The following SFMBT2 variants were observed in gnomAD, a reference collection of about 807,000 sequenced individuals.
The protein encoded by SFMBT2 is scm-like with four MBT domains protein 2.
Under a neutral mutation model 110.1 loss-of-function variants are expected in SFMBT2, and 38 were observed. The ratio of observed to expected loss-of-function variants is 0.35; its 90% CI spans 0.27 to 0.45. The LOEUF is 0.45. Ranked by LOEUF, SFMBT2 falls within the 20% of genes least tolerant of loss-of-function variation. The pLI is 1.00. For synonymous variants in SFMBT2, 425 were observed against 425.4 expected (o/e 1.00, Z 0.01); for missense variants, 1,011 against 1,094.9 (o/e 0.92, Z 1.08).
chr10:7,190,494 C>T (rs1376829805), intron 15 of SFMBT2, among the ~76,000 whole-genome samples: 2 of 152,182 alleles, frequency 1.3e-5, no homozygotes, highest in Non-Finnish European at 2.9e-5. Flanking sequence ...TGAAAAGCAT[C>T]GGATATTGAA....
chr10:7,272,054 G>T (rs1404852409), intron 7 of SFMBT2, among the ~76,000 whole-genome samples: 2 of 152,156 alleles, frequency 1.3e-5, no homozygotes, highest in Non-Finnish European at 2.9e-5. Context: ...TCCTGGTACA[G>T]CAAGGAGGGG....
chr10:7,176,452 G>C (rs913464234), intron 16 of SFMBT2: 1 of 983,034 alleles, frequency 1.0e-6, no homozygotes, highest in Admixed American at 6.2e-5. Flanking sequence ...CCAAAGATGA[G>C]CGGTGCGGGA....
chr10:7,196,938 G>C (rs951412978), intron 15 of SFMBT2, among the ~76,000 whole-genome samples: 1 of 152,170 alleles, frequency 6.6e-6, no homozygotes, highest in Non-Finnish European at 1.5e-5. Flanking sequence ...TCTGCAGGTC[G>C]TCGCCCGAAG....
intron 1 of SFMBT2, among the ~76,000 whole-genome samples, chr10:7,402,603 G>A (rs996609711): frequency 6.6e-6 from 1 of 152,048 alleles, no homozygotes; most frequent in Non-Finnish European, 1.5e-5. Flanking sequence ...TTTTTCCCTG[G>A]TCCATTAAAA....
chr10:7,206,118 A>C (rs1429606289), intron 11 of SFMBT2, 190 bp from the exon 12 acceptor site: 15 of 985,458 alleles, frequency 1.5e-5, no homozygotes, highest in Non-Finnish European at 1.8e-5. Context: ...ATCAGAGACA[A>C]AACTCCTTGA....
intron 10 of SFMBT2, among the ~76,000 whole-genome samples, chr10:7,220,912 C>T (rs1422767846): frequency 6.6e-6 from 1 of 151,432 alleles, no homozygotes; most frequent in Non-Finnish European, 1.5e-5. Context: ...CTGCCAGTTC[C>T]GCCTCCCGGG....
chr10:7,188,605 C>T lies in SFMBT2; in HGVS notation c.1808+19G>A, dbSNP rs377130947. 73 of 1,599,082 alleles carry T rather than the reference C, an allele frequency of 4.6e-5. No homozygotes were observed. In the African/African-American group the frequency reaches 7.9e-4, roughly 17 times the overall value. On this transcript the variant is annotated intron_variant, in intron 16 of 20. Transcript: ENST00000397167. ...AAGTATTACAAAAACCCTTGCTTTC[C>T]AGAATTGAAAACACTTACTTGGCCT...
chr10:7,353,114 T>C (rs1037023709), intron 4 of SFMBT2, among the ~76,000 whole-genome samples: 7 of 152,202 alleles, frequency 4.6e-5, no homozygotes, highest in Admixed American at 1.3e-4. Context: ...GTACACACTA[T>C]TGGCCAAAAG....
intron 4 of SFMBT2, among the ~76,000 whole-genome samples, chr10:7,300,277 T>C (rs1290254802): frequency 2.7e-5 from 4 of 150,258 alleles, no homozygotes; most frequent in Admixed American, 6.6e-5. Context: ...GTTCTGCACA[T>C]GTATCCAGCT....
rs1199725046 is a variant in SFMBT2 at position 7,217,579 on chromosome 10, CCTT to C, written c.1330+2829_1330+2831del. On this transcript the variant is annotated intron_variant, in intron 11 of 20. Transcript: ENST00000397167. ...AAGGAAGACAATGCAAGCAGGCGAA[CCTT>C]CTTCTGGGCTAAAGAGCTAGGAGAG... Among the ~76,000 whole-genome samples the C allele has an allele frequency of 3.9e-5, 6 of 152,180 alleles. No individual in the cohort carries two copies. The East Asian group carries it at 1.2e-3, about 29-fold the overall frequency.
chr10:7,268,558 T>C (rs1000838296), intron 7 of SFMBT2, among the ~76,000 whole-genome samples: 3 of 152,094 alleles, frequency 2.0e-5, no homozygotes, highest in African/African-American at 7.2e-5. Context: ...TCGCCCAGGC[T>C]GGAGTGCAGT....
intron 2 of SFMBT2, among the ~76,000 whole-genome samples, chr10:7,372,382 C>T (rs1433194925): frequency 6.6e-6 from 1 of 152,170 alleles, no homozygotes; most frequent in East Asian, 1.9e-4. Flanking sequence ...AGAATGGCCT[C>T]CTCAACTTTT....
At chr10:7,298,366 A>G (rs1286699133) in intron 4 of SFMBT2, among the ~76,000 whole-genome samples, 3 of 152,172 alleles carry the variant, frequency 2.0e-5, no homozygotes, top group African/African-American at 4.8e-5. Context: ...ACTGATGCTC[A>G]GACTCTCCAT....
intron 2 of SFMBT2, among the ~76,000 whole-genome samples, chr10:7,379,768 A>G (rs1474423929): frequency 6.6e-6 from 1 of 152,218 alleles, no homozygotes; most frequent in Non-Finnish European, 1.5e-5. Context: ...AGAGCAAGGA[A>G]CCAATCACAA....
At chr10:7,241,872 C>A (rs983023057) in intron 9 of SFMBT2, among the ~76,000 whole-genome samples, 2 of 152,124 alleles carry the variant, frequency 1.3e-5, no homozygotes, top group African/African-American at 4.8e-5. Flanking sequence ...GATATAAATA[C>A]TTTTCCTTTT....
intron 1 of SFMBT2, among the ~76,000 whole-genome samples, chr10:7,396,552 AT>A (rs1845931999): frequency 6.6e-6 from 1 of 152,206 alleles, no homozygotes; most frequent in Non-Finnish European, 1.5e-5. Context: ...AGCAATAAAG[AT>A]AAGTCCAGTT....
At chr10:7,269,840 T>A (rs76451103) in intron 7 of SFMBT2, among the ~76,000 whole-genome samples, 17 of 131,752 alleles carry the variant, frequency 1.3e-4, no homozygotes, top group South Asian at 4.7e-4. Flanking sequence ...TTTTTTTTTT[T>A]AAATAAATGA....
intron 4 of SFMBT2, among the ~76,000 whole-genome samples, chr10:7,326,281 T>A (rs967784632): frequency 2.0e-5 from 3 of 152,244 alleles, no homozygotes; most frequent in African/African-American, 4.8e-5. Context: ...ACTGCACACA[T>A]AATTTCACCT....
At chr10:7,230,965 T>C (rs909561394) in intron 9 of SFMBT2, among the ~76,000 whole-genome samples, 4 of 151,872 alleles carry the variant, frequency 2.6e-5, no homozygotes, top group African/African-American at 7.3e-5. Context: ...TAAAATAAAG[T>C]AAATAAAGAG....
Sources: allele counts gnomAD v4.1 joint callset (sites outside exome capture counted in the v4.1 genomes callset), GRCh38; gene constraint gnomAD v4.1.1; transcripts MANE v1.5; gene names NCBI Gene and HGNC (gene_info 2026-07-23, HGNC 2026-07-21).